Variants in KHDRBS2 observed in about 807,000 individuals in gnomAD.
KHDRBS2 encodes KH domain-containing, RNA-binding, signal transduction-associated protein 2.
In KHDRBS2, 26 loss-of-function variants were observed where a neutral mutation model predicts 44.3. The observed-to-expected ratio is 0.59, with a 90% CI of 0.43 to 0.81. KHDRBS2 has a LOEUF of 0.81. Among genes scored for constraint, KHDRBS2 ranks in the 40% least tolerant of loss-of-function variants. The pLI, the probability that KHDRBS2 is intolerant of heterozygous loss-of-function variation, is 0.00. For synonymous variants in KHDRBS2, 194 were observed against 151.1 expected (o/e 1.28, Z -2.08); for missense variants, 476 against 433.1 (o/e 1.10, Z -0.88).
chr6:61,578,880 C>A, the KHDRBS2 span, among the ~76,000 whole-genome samples: 3 of 152,204 alleles, frequency 2.0e-5, no homozygotes, highest in Middle Eastern at 0.01. Context: ...ACTTTCCTTT[C>A]GCCTCTAATA....
intron 2 of KHDRBS2, among the ~76,000 whole-genome samples, chr6:62,163,602 C>T (rs1445523462): frequency 6.6e-6 from 1 of 151,990 alleles, no homozygotes; most frequent in Non-Finnish European, 1.5e-5. Flanking sequence ...GTCTGTGGGC[C>T]TTTGAAATCT....
intron 1 of KHDRBS2, among the ~76,000 whole-genome samples, chr6:62,187,700 T>A (rs1013292644): frequency 5.9e-5 from 9 of 152,092 alleles, no homozygotes; most frequent in Non-Finnish European, 8.8e-5. Context: ...TGGTTTAATT[T>A]TTTTGCGGGG....
chr6:61,582,984 T>C, the KHDRBS2 span, among the ~76,000 whole-genome samples: 1 of 151,854 alleles, frequency 6.6e-6, no homozygotes. Context: ...AGAAAAACAC[T>C]GGAATAGTAA....
At chr6:62,142,660 G>A (rs1518914) in intron 2 of KHDRBS2, among the ~76,000 whole-genome samples, 77,028 of 151,614 alleles carry the variant, frequency 0.51, 19,929 homozygotes, top group Non-Finnish European at 0.55. Context: ...TTTAAGTCCC[G>A]ATGAATATGT....
intron 3 of KHDRBS2, among the ~76,000 whole-genome samples, chr6:62,026,667 C>T (rs1327943183): frequency 3.3e-5 from 5 of 151,868 alleles, no homozygotes; most frequent in Non-Finnish European, 7.4e-5. Context: ...AATCCACCTG[C>T]CTCAGCCTTT....
At chr6:62,210,329 T>G (rs889062502) in intron 1 of KHDRBS2, among the ~76,000 whole-genome samples, 2 of 46,258 alleles carry the variant, frequency 4.3e-5, no homozygotes, top group African/African-American at 8.9e-5. Context: ...CTAGCATTCT[T>G]TTTTTTTTTT....
At chr6:62,275,112 C>G (rs1456080203) in intron 1 of KHDRBS2, among the ~76,000 whole-genome samples, 1 of 151,794 alleles carries the variant, frequency 6.6e-6, no homozygotes, top group Non-Finnish European at 1.5e-5. Flanking sequence ...AAATACTTAT[C>G]TGACTTAATT....
chr6:61,695,757 C>T (rs1350381434), intron 8 of KHDRBS2, among the ~76,000 whole-genome samples: 1 of 151,962 alleles, frequency 6.6e-6, no homozygotes, highest in East Asian at 1.9e-4. Context: ...GTGGTGGTGG[C>T]TTATTTTTCT....
intron 1 of KHDRBS2, among the ~76,000 whole-genome samples, chr6:62,247,400 T>C (rs1272366064): frequency 6.6e-6 from 1 of 152,066 alleles, no homozygotes; most frequent in Non-Finnish European, 1.5e-5. Flanking sequence ...TATATACTTA[T>C]ACTGTATCTC....
intron 2 of KHDRBS2, among the ~76,000 whole-genome samples, chr6:62,123,348 G>A (rs548733964): frequency 6.5e-4 from 99 of 152,206 alleles, no homozygotes; most frequent in African/African-American, 2.3e-3. Flanking sequence ...GAATAGTGCC[G>A]TAATAAACAT....
At chr6:61,950,504 G>T (rs537543514) in intron 4 of KHDRBS2, among the ~76,000 whole-genome samples, 1 of 152,002 alleles carries the variant, frequency 6.6e-6, no homozygotes, top group African/African-American at 2.4e-5. Flanking sequence ...CAATGATGTT[G>T]ATATGCTTCT....
intron 2 of KHDRBS2, among the ~76,000 whole-genome samples, chr6:62,124,755 G>T (rs1808544342): frequency 1.3e-5 from 2 of 152,148 alleles, no homozygotes; most frequent in South Asian, 4.2e-4. Context: ...TAGATACTTA[G>T]TACTGGGATT....
chr6:61,817,697 T>C (rs1789203872), intron 6 of KHDRBS2, among the ~76,000 whole-genome samples: 2 of 152,080 alleles, frequency 1.3e-5, no homozygotes, highest in Non-Finnish European at 2.9e-5. Context: ...AAAGCTGTGG[T>C]TTTGTATACA....
At chr6:61,692,498 A>T (rs1767479477) in intron 8 of KHDRBS2, among the ~76,000 whole-genome samples, 1 of 152,032 alleles carries the variant, frequency 6.6e-6, no homozygotes, top group Non-Finnish European at 1.5e-5. Context: ...ATTATTTGCA[A>T]AGATCCTGAA....
the KHDRBS2 span, among the ~76,000 whole-genome samples, chr6:61,610,460 G>A: frequency 1.3e-5 from 2 of 152,252 alleles, no homozygotes; most frequent in East Asian, 3.9e-4. Context: ...TTATCTGGGT[G>A]TTTGTGGGTC....
At chr6:61,936,711 A>G (rs1274367085) in intron 4 of KHDRBS2, among the ~76,000 whole-genome samples, 3 of 151,978 alleles carry the variant, frequency 2.0e-5, no homozygotes, top group Non-Finnish European at 2.9e-5. Context: ...AACTTGAATG[A>G]CAATTTAGTT....
At chr6:62,166,631 T>C (rs186089719) in intron 2 of KHDRBS2, among the ~76,000 whole-genome samples, 4 of 152,188 alleles carry the variant, frequency 2.6e-5, no homozygotes, top group Admixed American at 6.6e-5. Context: ...TTATTGCTCA[T>C]AGAAAGTTTT....
rs554925437 is a variant in KHDRBS2 at position 62,277,434 on chromosome 6, C to T, written c.91+8424G>A. On this transcript the variant is annotated intron_variant, in intron 1 of 8. Coordinates refer to ENST00000281156, the MANE Select transcript of KHDRBS2 (RefSeq NM_152688.4). The stretch of plus-strand genomic sequence containing the variant: ...TCGGCTCACTGCAACCTCCACCTCC[C>T]GGGTTCACACCATTCTCCTGCCTCA... Among the ~76,000 whole-genome samples the T allele has an allele frequency of 2.0e-3, 306 of 152,176 alleles. 2 individuals carry two copies. The highest frequency in any genetic ancestry group is 6.6e-3 in the African/African-American group (275 of 41,510).
chr6:62,277,859 C>A (rs1841214466), intron 1 of KHDRBS2, among the ~76,000 whole-genome samples: 2 of 152,174 alleles, frequency 1.3e-5, no homozygotes, highest in Non-Finnish European at 2.9e-5. Context: ...AAAATGACTT[C>A]TTTCCTCCAA....
Sources: gnomAD v4.1 joint callset for allele counts (sites outside exome capture counted in the v4.1 genomes callset) on GRCh38, gnomAD v4.1.1 for gene constraint, MANE v1.5 for transcripts, NCBI Gene and HGNC (gene_info 2026-07-23, HGNC 2026-07-21) for gene names.